Variants in SCP2 observed in about 807,000 individuals in gnomAD.
SCP2 encodes the protein sterol carrier protein 2.
In SCP2, 48 loss-of-function variants were observed where a neutral mutation model predicts 71.4. That is an observed-to-expected ratio of 0.67 (90% CI 0.53 to 0.86). SCP2 has a LOEUF of 0.86. Ranked by LOEUF, SCP2 falls within the 40% of genes least tolerant of loss-of-function variation. SCP2 has a pLI of 0.00. For synonymous variants in SCP2, 220 were observed against 218.1 expected (o/e 1.01, Z -0.08); for missense variants, 560 against 655.6 (o/e 0.85, Z 1.59).
At chr1:52,993,064 A>C in intron 11 of SCP2, 1 of 1,017,186 alleles carries the variant, frequency 9.8e-7, no homozygotes, top group Non-Finnish European at 1.5e-6. Context: ...AGGACTAGCC[A>C]GCTTCTTGGT....
At chr1:52,997,451 C>A (rs1241371730) in intron 11 of SCP2, among the ~76,000 whole-genome samples, 4 of 152,196 alleles carry the variant, frequency 2.6e-5, no homozygotes, top group African/African-American at 9.6e-5. Flanking sequence ...CTGTGTCCGG[C>A]CAAAATGTGG....
At chr1:52,995,622 C>T in intron 11 of SCP2, 3 of 585,066 alleles carry the variant, frequency 5.1e-6, no homozygotes, top group Non-Finnish European at 9.8e-6. Context: ...GAGACCCCTG[C>T]CACAGCTTAT....
intron 8 of SCP2, 51 bp from the exon 9 acceptor site, chr1:52,978,166 C>G (rs767580967): frequency 6.4e-7 from 1 of 1,574,398 alleles, no homozygotes; most frequent in Non-Finnish European, 8.7e-7. Context: ...AGTCTGAAAT[C>G]CTCCGATCAG....
At position 53,038,943 on chromosome 1, in the gene SCP2, C is replaced by A. The variant is rs367571385; in HGVS notation, c.1365C>A (p.Ile455=). ...EEEGEQFVKK[I]GGIFAFKVKD... ...AAGGGGAACAGTTTGTGAAGAAAAT[C>A]GGTGGTATTTTTGCCTTCAAGGTGA... The change falls in exon 14 of 16, where the codon ATC becomes ATA. Residue 455 remains isoleucine, a synonymous_variant. Transcript: ENST00000371514. 2 of 1,613,996 alleles carry A rather than the reference C, an allele frequency of 1.2e-6. No homozygotes were observed. The highest frequency in any genetic ancestry group is 1.7e-6 in the Non-Finnish European group (2 of 1,179,990).
At chr1:53,035,988 C>A (rs1662906740) in intron 13 of SCP2, among the ~76,000 whole-genome samples, 1 of 144,258 alleles carries the variant, frequency 6.9e-6, no homozygotes, top group Admixed American at 7.1e-5. Context: ...CCACTGCACT[C>A]CAGCCTGGGC....
intron 11 of SCP2, among the ~76,000 whole-genome samples, chr1:53,014,107 G>C (rs528969838): frequency 6.9e-6 from 1 of 144,996 alleles, no homozygotes; most frequent in South Asian, 2.2e-4. Flanking sequence ...GGGTTTCACC[G>C]TGTTAGCCAG....
At chr1:52,990,567 T>C (rs1340415352) in intron 11 of SCP2, among the ~76,000 whole-genome samples, 1 of 151,704 alleles carries the variant, frequency 6.6e-6, no homozygotes, top group African/African-American at 2.4e-5. Flanking sequence ...ACACCGTCTC[T>C]ACTAAAAATA....
chr1:52,935,983 C>T (rs554410833), intron 1 of SCP2, among the ~76,000 whole-genome samples: 21 of 151,900 alleles, frequency 1.4e-4, no homozygotes, highest in African/African-American at 4.8e-4. Flanking sequence ...TTCCCTTTTC[C>T]AACTACATGT....
chr1:53,021,845 A>AT (rs781226363), intron 12 of SCP2, among the ~76,000 whole-genome samples: 11 of 150,156 alleles, frequency 7.3e-5, no homozygotes, highest in Non-Finnish European at 1.2e-4. Flanking sequence ...GTGTTTTGCC[A>AT]TTTTTTCCAG....
chr1:52,992,561 G>A (rs1479014926), intron 11 of SCP2, among the ~76,000 whole-genome samples: 19 of 152,136 alleles, frequency 1.2e-4, no homozygotes, highest in Admixed American at 2.6e-4. Flanking sequence ...CCAAATATTT[G>A]ACCACGTAGA....
At chr1:53,026,455 A>C (rs61004371) in intron 12 of SCP2, among the ~76,000 whole-genome samples, 1,636 of 152,308 alleles carry the variant, frequency 0.011, 19 homozygotes, top group African/African-American at 0.038. Flanking sequence ...TCTGTTCACT[A>C]TCATATCCCC....
At chr1:52,944,208 AG>A (rs1348299166) in intron 2 of SCP2, among the ~76,000 whole-genome samples, 2 of 152,332 alleles carry the variant, frequency 1.3e-5, no homozygotes, top group East Asian at 3.9e-4. Context: ...CGTTGTTGCC[AG>A]GCAACCCAAA....
intron 13 of SCP2, among the ~76,000 whole-genome samples, chr1:53,030,123 C>T (rs917800303): frequency 2.6e-5 from 4 of 152,192 alleles, no homozygotes; most frequent in South Asian, 2.1e-4. Context: ...CTCCTGACCT[C>T]GTCATCTTCC....
intron 6 of SCP2, among the ~76,000 whole-genome samples, chr1:52,963,899 G>A (rs1260916163): frequency 6.6e-6 from 1 of 151,992 alleles, no homozygotes; most frequent in Non-Finnish European, 1.5e-5. Context: ...AGCTTTTACT[G>A]TATATTAACT....
rs192804165 is a variant in SCP2, at chr1:53,016,378, C to G, written c.1235+1335C>G. Among the ~76,000 whole-genome samples the G allele has an allele frequency of 7.2e-5, 11 of 152,182 alleles. No individual in the cohort carries two copies. In the East Asian group the frequency reaches 2.1e-3, roughly 29 times the overall value. On this transcript the variant is annotated intron_variant, in intron 12 of 15. Coordinates refer to ENST00000371514, the MANE Select transcript of SCP2 (RefSeq NM_002979.5). ...CCTTGAGGCCTAAGACTGTGACTTACATCTCTTGTTCCTGGAGTCTCTCAT... is the reference window on the plus strand; with the variant it reads ...CCTTGAGGCCTAAGACTGTGACTTAGATCTCTTGTTCCTGGAGTCTCTCAT...
intron 14 of SCP2, among the ~76,000 whole-genome samples, chr1:53,041,951 A>G (rs1331279930): frequency 6.6e-6 from 1 of 152,176 alleles, no homozygotes; most frequent in Admixed American, 6.5e-5. Context: ...AATAGAGTGT[A>G]GAGCTTGGAG....
intron 2 of SCP2, among the ~76,000 whole-genome samples, chr1:52,946,783 T>C (rs1426361599): frequency 6.7e-6 from 1 of 149,526 alleles, no homozygotes; most frequent in East Asian, 2.0e-4. Flanking sequence ...AAAGCCAGGC[T>C]TGGTGGCTCA....
At chr1:53,038,158 A>G (rs1663154858) in intron 13 of SCP2, among the ~76,000 whole-genome samples, 1 of 151,736 alleles carries the variant, frequency 6.6e-6, no homozygotes, top group Non-Finnish European at 1.5e-5. Flanking sequence ...AAAAAAAGAA[A>G]AAAAACCTAT....
rs201780891 is a variant in SCP2 at position 52,988,131 on chromosome 1, C to T, written c.1076C>T (p.Ala359Val). ...GLISKGHPLG[A>V]TGLAQCAELC... ...ATTTCAAAGGGACACCCACTAGGCG[C>T]TACAGGTAATGCTACATACAGATTT... is the stretch of plus-strand genomic sequence containing the variant. Residue 359 changes from alanine (A) to valine (V), a missense_variant, in exon 11 of 16, where the codon GCT becomes GTT. By Grantham distance (64) the Ala-to-Val change is moderately conservative (BLOSUM62 0). Around this residue, in one of 3 missense-constraint regions of SCP2, gnomAD observed 513 missense variants for 573.1 expected, o/e 0.90. Transcript: ENST00000371514. The T allele has an allele frequency of 3.3e-6, 5 of 1,496,482 alleles. No homozygotes were observed. In the Admixed American group the frequency reaches 8.4e-5, roughly 25 times the overall value. The allele number at this position is 1,496,482 out of a possible 1,614,324, so 92.7% of individuals were successfully genotyped here.
Sources: gnomAD v4.1 joint callset for allele counts (sites outside exome capture counted in the v4.1 genomes callset) on GRCh38, gnomAD v4.1.1 for gene constraint, gnomAD v4.1.1 regional missense constraint, MANE v1.5 for transcripts, NCBI Gene and HGNC (gene_info 2026-07-23, HGNC 2026-07-21) for gene names.